The following CACNA2D3 variants were observed in gnomAD, a reference collection of about 807,000 sequenced individuals.
CACNA2D3 encodes the protein calcium voltage-gated channel auxiliary subunit alpha2delta 3.
A neutral mutation model predicts 160.6 loss-of-function variants in CACNA2D3; 60 were observed. The ratio of observed to expected loss-of-function variants is 0.37; its 90% CI spans 0.30 to 0.46. The LOEUF is 0.46. Among genes scored for constraint, CACNA2D3 ranks in the 20% least tolerant of loss-of-function variants. CACNA2D3 has a pLI of 1.00. For synonymous variants in CACNA2D3, 558 were observed against 492.9 expected (o/e 1.13, Z -1.75); for missense variants, 1,205 against 1,365.0 (o/e 0.88, Z 1.85).
At chr3:54,835,021 C>T (rs1345814775) in intron 14 of CACNA2D3, among the ~76,000 whole-genome samples, 1 of 152,216 alleles carries the variant, frequency 6.6e-6, no homozygotes, top group Non-Finnish European at 1.5e-5. Context: ...CTAAAAAACA[C>T]CTTCCCAGCA....
intron 9 of CACNA2D3, among the ~76,000 whole-genome samples, chr3:54,626,857 C>A (rs1012718217): frequency 6.6e-6 from 1 of 152,156 alleles, no homozygotes; most frequent in African/African-American, 2.4e-5. Context: ...TGGGCATGAG[C>A]CTGAATTCGC....
chr3:54,320,189 C>T (rs756701564), intron 2 of CACNA2D3, among the ~76,000 whole-genome samples: 8 of 152,142 alleles, frequency 5.3e-5, no homozygotes, highest in Admixed American at 1.3e-4. Context: ...GACAGATGAT[C>T]GTTTAATTGG....
chr3:54,712,113 A>G (rs1700963840), intron 11 of CACNA2D3, among the ~76,000 whole-genome samples: 1 of 152,198 alleles, frequency 6.6e-6, no homozygotes, highest in South Asian at 2.1e-4. Flanking sequence ...CAAGAGTATA[A>G]AGCTCTCAAT....
intron 2 of CACNA2D3, among the ~76,000 whole-genome samples, chr3:54,314,771 C>T (rs1288346471): frequency 6.6e-6 from 1 of 152,228 alleles, no homozygotes; most frequent in Non-Finnish European, 1.5e-5. Context: ...TGCTTGGTGT[C>T]TAGCACCCTG....
chr3:54,123,436 T>G, intron 1 of CACNA2D3, 77 bp from the exon 2 acceptor site: 1 of 916,914 alleles, frequency 1.1e-6, no homozygotes, highest in Non-Finnish European at 1.8e-6. Context: ...CATAGTCCCA[T>G]GTGTGCGTGT....
chr3:54,653,265 G>C (rs1377230004), intron 11 of CACNA2D3, among the ~76,000 whole-genome samples: 1 of 152,138 alleles, frequency 6.6e-6, no homozygotes, highest in Non-Finnish European at 1.5e-5. Flanking sequence ...TTTCACTTCT[G>C]TGAATGCTCC....
At chr3:54,849,892 A>G (rs1231702460) in intron 17 of CACNA2D3, among the ~76,000 whole-genome samples, 4 of 151,894 alleles carry the variant, frequency 2.6e-5, no homozygotes, top group African/African-American at 9.7e-5. Context: ...CAATACCAAT[A>G]TTTTTCTAAT....
At chr3:54,410,385 T>A (rs1699646841) in intron 4 of CACNA2D3, among the ~76,000 whole-genome samples, 1 of 151,392 alleles carries the variant, frequency 6.6e-6, no homozygotes, top group Non-Finnish European at 1.5e-5. Flanking sequence ...GAGAGGAGAA[T>A]TCAGTGCCTG....
chr3:54,779,349 T>A (rs1332646255), intron 13 of CACNA2D3, among the ~76,000 whole-genome samples: 2 of 152,212 alleles, frequency 1.3e-5, no homozygotes, highest in African/African-American at 4.8e-5. Flanking sequence ...TCCACCCACC[T>A]TGGCCTCCCG....
At chr3:54,762,251 C>G (rs540620457) in intron 12 of CACNA2D3, among the ~76,000 whole-genome samples, 3 of 152,304 alleles carry the variant, frequency 2.0e-5, no homozygotes, top group African/African-American at 7.2e-5. Flanking sequence ...CTCCTTAACT[C>G]CAGCCATTCT....
At chr3:54,377,616 T>G (rs1699033221) in intron 3 of CACNA2D3, among the ~76,000 whole-genome samples, 1 of 152,226 alleles carries the variant, frequency 6.6e-6, no homozygotes, top group South Asian at 2.1e-4. Flanking sequence ...TTATTATTTG[T>G]GTTCATCAGA....
At chr3:54,287,190 G>C (rs954692581) in intron 2 of CACNA2D3, among the ~76,000 whole-genome samples, 3 of 152,056 alleles carry the variant, frequency 2.0e-5, no homozygotes, top group South Asian at 2.1e-4. Context: ...CCCATCTCAC[G>C]TGCAGAGACA....
rs908913015 is a variant in CACNA2D3, at chr3:54,809,561, A to G, written c.1381-7292A>G. Among the ~76,000 whole-genome samples the G allele has an allele frequency of 3.1e-5, 4 of 129,192 alleles. No homozygotes were observed. The South Asian group carries it at 7.1e-4, about 23-fold the overall frequency. 84.8% of individuals were successfully genotyped at this position (129,192 alleles called of 152,430 possible). On this transcript the variant is annotated intron_variant, in intron 13 of 37. Transcript: ENST00000474759. The stretch of plus-strand genomic sequence containing the variant: ...TCTCGATCTCCTGACCTCATGATCC[A>G]CCCGCCTCGGCCTCCCAAAGTGCTG...
chr3:54,658,525 A>C (rs933108481), intron 11 of CACNA2D3, among the ~76,000 whole-genome samples: 1 of 152,134 alleles, frequency 6.6e-6, no homozygotes, highest in Non-Finnish European at 1.5e-5. Context: ...AAATCAGGTT[A>C]TTTGTTTGCT....
chr3:54,592,098 ACTGACAGCCAATT>A (rs1702870715), intron 9 of CACNA2D3, among the ~76,000 whole-genome samples: 1 of 152,196 alleles, frequency 6.6e-6, no homozygotes, highest in African/African-American at 2.4e-5. Context: ...GATGTTGTGC[ACTGACAGCCAATT>A]CTGGTTTCAC....
intron 4 of CACNA2D3, among the ~76,000 whole-genome samples, chr3:54,456,431 C>T (rs969762020): frequency 2.0e-5 from 3 of 151,670 alleles, no homozygotes; most frequent in East Asian, 3.9e-4. Flanking sequence ...GCAACTTTAC[C>T]GAAATTGTTT....
chr3:54,824,432 G>A (rs980460475), intron 14 of CACNA2D3, among the ~76,000 whole-genome samples: 5 of 152,258 alleles, frequency 3.3e-5, no homozygotes, highest in African/African-American at 9.6e-5. Context: ...AATGAAGTGG[G>A]GTGAGAATGA....
intron 9 of CACNA2D3, among the ~76,000 whole-genome samples, chr3:54,602,741 T>C (rs887217797): frequency 1.3e-5 from 2 of 152,176 alleles, no homozygotes; most frequent in East Asian, 3.8e-4. Flanking sequence ...TCCTGAATTA[T>C]GATAGAGATT....
At chr3:54,885,620 A>G (rs752453850) in intron 23 of CACNA2D3, 34 bp downstream of exon 23, 8 of 1,531,886 alleles carry the variant, frequency 5.2e-6, no homozygotes, top group Middle Eastern at 3.4e-4. Context: ...CTGTGCCTTC[A>G]GGGGTGATGG....
Sources: allele counts gnomAD v4.1 joint callset (sites outside exome capture counted in the v4.1 genomes callset), GRCh38; gene constraint gnomAD v4.1.1; transcripts MANE v1.5; gene names NCBI Gene and HGNC (gene_info 2026-07-23, HGNC 2026-07-21).